EDIL3: variants seen among roughly 807,000 people sequenced by gnomAD.
EDIL3 encodes EGF like and discoidin domains 3, also known as EGF-like repeat and discoidin I-like domain-containing protein 3.
EDIL3 carries 37 observed loss-of-function variants against 67.4 expected under a neutral mutation model. The observed-to-expected ratio is 0.55, with a 90% confidence interval of 0.42 to 0.72. EDIL3 has a LOEUF of 0.72. Ranked by LOEUF, EDIL3 falls within the 30% of genes least tolerant of loss-of-function variation. EDIL3 has a pLI of 0.00. For missense variants in EDIL3, 527 were observed against 586.3 expected, an observed-to-expected ratio of 0.90 and a Z score of 1.04; for synonymous variants, 195 against 196.3, an observed-to-expected ratio of 0.99 and a Z score of 0.05.
chr5:84,053,575 G>C (rs1746382396), intron 9 of EDIL3, among the ~76,000 whole-genome samples: 1 of 151,996 alleles, frequency 6.6e-6, no homozygotes, highest in East Asian at 1.9e-4. Flanking sequence ...GACTAATAAA[G>C]AAGAAAAGAG....
chr5:84,167,496 C>G (rs1021253385), intron 4 of EDIL3, among the ~76,000 whole-genome samples: 5 of 152,100 alleles, frequency 3.3e-5, no homozygotes, highest in Non-Finnish European at 7.4e-5. Context: ...TTTCAATCCT[C>G]TCTACTGCCT....
intron 9 of EDIL3, among the ~76,000 whole-genome samples, chr5:84,032,714 C>G (rs886655585): frequency 6.6e-6 from 1 of 152,158 alleles, no homozygotes; most frequent in African/African-American, 2.4e-5. Context: ...CCTTTGGCCA[C>G]TGCTACTTTG....
intron 1 of EDIL3, among the ~76,000 whole-genome samples, chr5:84,359,446 T>C (rs1048058131): frequency 2.0e-5 from 3 of 152,312 alleles, no homozygotes; most frequent in Non-Finnish European, 4.4e-5. Flanking sequence ...AAGACTTAAA[T>C]TTTAACAGTT....
chr5:84,058,465 A>C (rs1254781126), intron 9 of EDIL3, among the ~76,000 whole-genome samples: 1 of 152,170 alleles, frequency 6.6e-6, no homozygotes, highest in Non-Finnish European at 1.5e-5. Context: ...ACCCAGGTGA[A>C]AGAGGGTGGT....
chr5:84,273,371 G>A (rs1745513019), intron 1 of EDIL3, among the ~76,000 whole-genome samples: 1 of 152,088 alleles, frequency 6.6e-6, no homozygotes, highest in South Asian at 2.1e-4. Context: ...ACATGAATCT[G>A]CTCATAATGA....
chr5:84,312,614 C>CA (rs1245149522), intron 1 of EDIL3, among the ~76,000 whole-genome samples: 1 of 141,936 alleles, frequency 7.0e-6, no homozygotes, highest in Admixed American at 6.9e-5. Flanking sequence ...GGGGGCTGAC[C>CA]CCCCCACCTC....
intron 1 of EDIL3, among the ~76,000 whole-genome samples, chr5:84,288,169 A>G (rs1745846120): frequency 6.6e-6 from 1 of 151,960 alleles, no homozygotes. Flanking sequence ...TTGGGCCAAA[A>G]CCCTTAGAGG....
chr5:84,058,483 G>C (rs1746488014), intron 9 of EDIL3, among the ~76,000 whole-genome samples: 1 of 152,146 alleles, frequency 6.6e-6, no homozygotes, highest in African/African-American at 2.4e-5. Context: ...GGTAGCACTG[G>C]TGATAGAAGT....
At chr5:84,136,636 C>A (rs2112315170) in intron 5 of EDIL3, among the ~76,000 whole-genome samples, 1 of 152,230 alleles carries the variant, frequency 6.6e-6, no homozygotes, top group African/African-American at 2.4e-5. Context: ...TGTGGGACGG[C>A]CCAAATGCAT....
At chr5:84,138,180 G>A (rs1238587479) in intron 4 of EDIL3, among the ~76,000 whole-genome samples, 1 of 152,158 alleles carries the variant, frequency 6.6e-6, no homozygotes, top group Non-Finnish European at 1.5e-5. Context: ...AGTAGTTGGA[G>A]AGCACACACC....
chr5:84,165,523 T>G (rs1748689785), intron 4 of EDIL3, among the ~76,000 whole-genome samples: 1 of 152,146 alleles, frequency 6.6e-6, no homozygotes, highest in Non-Finnish European at 1.5e-5. Context: ...AAGGATTCAC[T>G]GCCTAGGCTG....
intron 4 of EDIL3, among the ~76,000 whole-genome samples, chr5:84,149,961 T>C (rs963880260): frequency 5.3e-5 from 8 of 152,024 alleles, no homozygotes; most frequent in African/African-American, 9.7e-5. Context: ...GTGGAACACA[T>C]ATAGTTAGTC....
At chr5:84,094,250 A>G (rs1415177318) in intron 6 of EDIL3, among the ~76,000 whole-genome samples, 1 of 152,206 alleles carries the variant, frequency 6.6e-6, no homozygotes, top group Admixed American at 6.5e-5. Flanking sequence ...TTTCTAATAA[A>G]CAATTCAAAT....
intron 5 of EDIL3, among the ~76,000 whole-genome samples, chr5:84,133,635 G>A (rs549448207): frequency 6.6e-6 from 1 of 151,424 alleles, no homozygotes; most frequent in African/African-American, 2.4e-5. Flanking sequence ...TCAAAATAAA[G>A]AAATAAATAA....
At chr5:84,351,824 A>T (rs1747367631) in intron 1 of EDIL3, among the ~76,000 whole-genome samples, 1 of 152,122 alleles carries the variant, frequency 6.6e-6, no homozygotes, top group Admixed American at 6.6e-5. Flanking sequence ...CTGCATACCA[A>T]AAGAAATAAT....
chr5:84,193,878 C>T (rs748840493), intron 3 of EDIL3, among the ~76,000 whole-genome samples: 1 of 151,910 alleles, frequency 6.6e-6, no homozygotes, highest in Non-Finnish European at 1.5e-5. Context: ...TGAAAATGTT[C>T]ATAACTTCAT....
chr5:84,326,164 C>T lies in EDIL3; in HGVS notation c.67+58144G>A, dbSNP rs79254174. On this transcript the variant is annotated intron_variant, in intron 1 of 10. Transcript: ENST00000296591. ...TCTCTCTTCCTCTTCCACCTTCCAC[C>T]ATGGGATGATCCATCAGGAGGGTCC... 4.1e-3 allele frequency among the ~76,000 whole-genome samples: 620 copies of T among 152,110 alleles called. 10 individuals carry two copies. The highest frequency in any genetic ancestry group is 0.02 in the Admixed American group (307 of 15,246).
intron 3 of EDIL3, among the ~76,000 whole-genome samples, chr5:84,194,012 C>G (rs1373327603): frequency 1.3e-5 from 2 of 151,772 alleles, no homozygotes; most frequent in African/African-American, 4.8e-5. Flanking sequence ...TATAGGGAAC[C>G]ACTTTCACAT....
intron 1 of EDIL3, among the ~76,000 whole-genome samples, chr5:84,366,266 T>A (rs995221770): frequency 6.6e-6 from 1 of 152,162 alleles, no homozygotes; most frequent in Non-Finnish European, 1.5e-5. Flanking sequence ...ACCGTCACCA[T>A]CACCATCATC....
Sources: allele counts gnomAD v4.1 joint callset (sites outside exome capture counted in the v4.1 genomes callset), GRCh38; gene constraint gnomAD v4.1.1; transcripts MANE v1.5; gene names NCBI Gene and HGNC (gene_info 2026-07-23, HGNC 2026-07-21).